Variants in SIRPA observed in about 807,000 individuals in gnomAD.
The protein encoded by SIRPA is signal regulatory protein alpha.
In SIRPA, 9 loss-of-function variants were observed where a neutral mutation model predicts 50.3. The observed-to-expected ratio is 0.18, with a 90% CI of 0.11 to 0.31. The LOEUF is 0.31. Ranked by LOEUF, SIRPA falls within the 10% of genes least tolerant of loss-of-function variation. The pLI, the probability that SIRPA is intolerant of heterozygous loss-of-function variation, is 1.00. For missense variants in SIRPA, 474 were observed against 661.6 expected (o/e 0.72, Z 3.11); for synonymous variants, 265 against 284.1 (o/e 0.93, Z 0.68).
Position 1,898,658 on chromosome 20 carries a change from C to T in SIRPA, c.79+3132C>T, listed in dbSNP as rs1246535329. Among the ~76,000 whole-genome samples, 2 of 152,148 alleles carry T rather than the reference C, an allele frequency of 1.3e-5. No individual in the cohort carries two copies. Among genetic ancestry groups the T allele is most frequent in the Admixed American group, 6.5e-5 (1 of 15,276 alleles). On this transcript the variant is annotated intron_variant, in intron 1 of 7. Coordinates refer to ENST00000358771, the MANE Select transcript of SIRPA (RefSeq NM_001040023.2). The surrounding 1 kb of genome is among the most constrained non-coding windows in gnomAD (Gnocchi z 4.3). ...TGCTGGGTGGCTTCTAGGGAAGAAG[C>T]TCAATGACTTAATCAGGATGATTTA...
In SIRPA at chr20:1,913,053, C is replaced by G. The variant is rs191722811; in HGVS notation, c.80-2046C>G. Among the ~76,000 whole-genome samples the G allele has an allele frequency of 2.0e-3, 302 of 152,282 alleles. 1 individual carries two copies. Among genetic ancestry groups the G allele is most frequent in the African/African-American group, 6.8e-3 (283 of 41,560 alleles). ...TCCACTGTGGGTTCTGTTTTTTTCT[C>G]CTGTGCCATGAAGATCTTGCCATGT... is the stretch of plus-strand genomic sequence containing the variant. On this transcript the variant is annotated intron_variant, in intron 1 of 7. Coordinates refer to ENST00000358771, the MANE Select transcript of SIRPA (RefSeq NM_001040023.2).
chr20:1,897,994 G>T (rs1380097146), intron 1 of SIRPA, among the ~76,000 whole-genome samples: 1 of 152,220 alleles, frequency 6.6e-6, no homozygotes, highest in Non-Finnish European at 1.5e-5. Context: ...TGTCAGCAGG[G>T]CCTGACGCTG....
intron 1 of SIRPA, among the ~76,000 whole-genome samples, chr20:1,897,180 A>G (rs1421190276): frequency 6.6e-6 from 1 of 152,190 alleles, no homozygotes; most frequent in African/African-American, 2.4e-5. Context: ...TTGTGAGCAC[A>G]TCTCCCCCTT....
chr20:1,911,655 A>T (rs1177346124), intron 1 of SIRPA, among the ~76,000 whole-genome samples: 1 of 152,200 alleles, frequency 6.6e-6, no homozygotes, highest in African/African-American at 2.4e-5. Context: ...GGAGCAGCCC[A>T]GCAAAGGCTG....
chr20:1,935,320 C>T (rs1307472994), intron 7 of SIRPA, among the ~76,000 whole-genome samples: 1 of 152,256 alleles, frequency 6.6e-6, no homozygotes, highest in Non-Finnish European at 1.5e-5. Context: ...AAACCTAGCC[C>T]TGCTTATCAC....
chr20:1,934,142 T>TA lies in SIRPA; in HGVS notation c.1227-563dup, dbSNP rs898693877. Among the ~76,000 whole-genome samples the TA allele has an allele frequency of 2.9e-4, 43 of 148,952 alleles. No individual in the cohort carries two copies. The highest frequency in any genetic ancestry group is 6.4e-4 in the South Asian group (3 of 4,714). On this transcript the variant is annotated intron_variant, in intron 6 of 7. Transcript: ENST00000358771. This position sits in a 1 kb window ranked among gnomAD's most constrained non-coding sequence, Gnocchi z 4.6. ...CATTTTAATGTAAGCAATTTTAACT[T>TA]AAAAAAAAAACCTCCTCATAAACCT...
intron 2 of SIRPA, among the ~76,000 whole-genome samples, chr20:1,915,675 A>T (rs1985239928): frequency 6.6e-6 from 1 of 152,228 alleles, no homozygotes; most frequent in South Asian, 2.1e-4. Context: ...TGCATCCTTC[A>T]TCTGCCTGGC....
chr20:1,921,342 T>C lies in SIRPA; in HGVS notation c.437-53T>C. ...TTCTTAACGTGTCACACACTTATCG[T>C]TAGTGATTGTCATCTGAGTCATGTC... On this transcript the variant is annotated intron_variant, in intron 2 of 7. Coordinates refer to ENST00000358771, the MANE Select transcript of SIRPA (RefSeq NM_001040023.2). 5.0e-6 allele frequency: 8 copies of C among 1,609,524 alleles called. No homozygotes were observed. The South Asian group carries it at 7.7e-5, about 15-fold the overall frequency.
chr20:1,910,952 A>G (rs1028164317), intron 1 of SIRPA, among the ~76,000 whole-genome samples: 12 of 152,238 alleles, frequency 7.9e-5, no homozygotes, highest in Non-Finnish European at 1.5e-5. Flanking sequence ...GCAAACAGAA[A>G]ACATAAACAA....
intron 7 of SIRPA, among the ~76,000 whole-genome samples, chr20:1,935,569 A>G (rs1344866894): frequency 6.6e-6 from 1 of 152,272 alleles, no homozygotes; most frequent in Non-Finnish European, 1.5e-5. Context: ...AGCCCCGGAC[A>G]TGAGCTCGAG....
chr20:1,905,654 T>G (rs1486135645), intron 1 of SIRPA, among the ~76,000 whole-genome samples: 1 of 152,146 alleles, frequency 6.6e-6, no homozygotes, highest in Non-Finnish European at 1.5e-5. Context: ...GGAGGAAAGG[T>G]CCTTAGGTTG....
Position 1,937,242 on chromosome 20 carries a change from G to C in SIRPA, c.1267-78G>C. The C allele has an allele frequency of 6.6e-7, 1 of 1,516,630 alleles. No individual in the cohort carries two copies. The highest frequency in any genetic ancestry group is 1.2e-5 in the South Asian group (1 of 81,012). The allele number at this position is 1,516,630 out of a possible 1,614,324, so 93.9% of individuals were successfully genotyped here. ...GAGGACACAGAAGCATCCAGACTTGGTATTCAGTTTGAGTGAGTGGGCCAG... is the reference window on the plus strand; with the variant it reads ...GAGGACACAGAAGCATCCAGACTTGCTATTCAGTTTGAGTGAGTGGGCCAG... On this transcript the variant is annotated intron_variant, in intron 7 of 7. Coordinates refer to ENST00000358771, the MANE Select transcript of SIRPA (RefSeq NM_001040023.2). This position sits in a 1 kb window ranked among gnomAD's most constrained non-coding sequence, Gnocchi z 8.3.
At chr20:1,914,398 C>T (rs184504387) in intron 1 of SIRPA, among the ~76,000 whole-genome samples, 6 of 152,266 alleles carry the variant, frequency 3.9e-5, no homozygotes, top group South Asian at 4.1e-4. Flanking sequence ...AGAGATCCAT[C>T]GAGGTGGGGT....
Position 1,938,195 on chromosome 20 carries a change from G to A in SIRPA, c.*627G>A, listed in dbSNP as rs1986707676. ...AGCCATGAGTCCTGGAGGAGGAGAGGACCCCTCCCAAAGGACTGGAGACAA... is the reference window on the plus strand; with the variant it reads ...AGCCATGAGTCCTGGAGGAGGAGAGAACCCCTCCCAAAGGACTGGAGACAA... On this transcript the variant is annotated 3_prime_UTR_variant, in exon 8 of 8. Coordinates refer to ENST00000358771, the MANE Select transcript of SIRPA (RefSeq NM_001040023.2). The A allele has an allele frequency of 6.5e-6, 1 of 153,392 alleles. No individual in the cohort carries two copies. The highest frequency in any genetic ancestry group is 2.4e-5 in the African/African-American group (1 of 41,408). The allele number at this position is 153,392 out of a possible 1,614,324, so 9.5% of individuals were successfully genotyped here.
intron 1 of SIRPA, among the ~76,000 whole-genome samples, chr20:1,905,326 C>T (rs1032708458): frequency 1.3e-5 from 2 of 152,168 alleles, no homozygotes; most frequent in African/African-American, 2.4e-5. Flanking sequence ...GAGAGGCGAT[C>T]GCATGGGGTG....
chr20:1,924,648 G>C lies in SIRPA; in HGVS notation c.1088-116G>C, dbSNP rs1985871432. On this transcript the variant is annotated intron_variant, in intron 4 of 7. Coordinates refer to ENST00000358771, the MANE Select transcript of SIRPA (RefSeq NM_001040023.2). This position sits in a 1 kb window ranked among gnomAD's most constrained non-coding sequence, Gnocchi z 4.5. ...CCATGTGGCTCGAGACATCTAAGAA[G>C]GTCCAGCCAGATGTTCTCAGTTAAT... is the stretch of plus-strand genomic sequence containing the variant. 4 of 803,114 alleles carry C rather than the reference G, an allele frequency of 5.0e-6. No individual in the cohort carries two copies. The highest frequency in any genetic ancestry group is 6.3e-6 in the Non-Finnish European group (3 of 479,708). 49.7% of individuals were successfully genotyped at this position (803,114 alleles called of 1,614,324 possible).
At chr20:1,917,525 G>T (rs569748065) in intron 2 of SIRPA, among the ~76,000 whole-genome samples, 73 of 152,308 alleles carry the variant, frequency 4.8e-4, no homozygotes, top group African/African-American at 1.6e-3. Flanking sequence ...GGGTGATAGA[G>T]CAAGATTCTG....
chr20:1,900,250 G>A (rs1984103078), intron 1 of SIRPA, among the ~76,000 whole-genome samples: 1 of 151,840 alleles, frequency 6.6e-6, no homozygotes, highest in African/African-American at 2.4e-5. Context: ...ACAGGGATGC[G>A]CCACCATGCC....
rs1453969885 is a variant in SIRPA, at chr20:1,938,468, GCTGT to G, written c.*906_*909del. On this transcript the variant is annotated 3_prime_UTR_variant, in exon 8 of 8. Coordinates refer to ENST00000358771, the MANE Select transcript of SIRPA (RefSeq NM_001040023.2). ...TTAAAACAACAGCAACGTGATCTTGGCTGTCTGTCATGTGTTGAAGTCCATGGTT... is the reference window on the plus strand; with the variant it reads ...TTAAAACAACAGCAACGTGATCTTGGCTGTCATGTGTTGAAGTCCATGGTT... 6.5e-6 allele frequency: 1 copy of G among 152,688 alleles called. No individual in the cohort carries two copies. The highest frequency in any genetic ancestry group is 1.9e-4 in the East Asian group (1 of 5,204). 9.5% of individuals were successfully genotyped at this position (152,688 alleles called of 1,614,324 possible).
Sources: allele counts gnomAD v4.1 joint callset (sites outside exome capture counted in the v4.1 genomes callset), GRCh38; gene constraint gnomAD v4.1.1; non-coding constraint Gnocchi (gnomAD v3.1); transcripts MANE v1.5; gene names NCBI Gene and HGNC (gene_info 2026-07-23, HGNC 2026-07-21).